The following KIF6 variants were observed in gnomAD, a reference collection of about 807,000 sequenced individuals.
KIF6 encodes the protein kinesin-like protein KIF6.
KIF6 carries 106 observed loss-of-function variants against 112.7 expected under a neutral mutation model. That is an observed-to-expected ratio of 0.94 (90% confidence interval 0.80 to 1.11). The LOEUF is 1.11. KIF6 is among the 50% of genes least tolerant of loss of function. The pLI is 0.00. For synonymous variants in KIF6, 339 were observed against 339.9 expected (o/e 1.00, Z 0.03); for missense variants, 929 against 964.0 (o/e 0.96, Z 0.48).
chr6:39,591,807 G>A (rs148806159), intron 7 of KIF6, among the ~76,000 whole-genome samples: 4 of 152,254 alleles, frequency 2.6e-5, no homozygotes, highest in South Asian at 2.1e-4. Flanking sequence ...AGGAAAATGC[G>A]GTGGTCATAA....
rs71571378 is a variant in KIF6, at chr6:39,528,991, G to A, written c.1645+11012C>T. Reference sequence around the variant, plus strand: ...ACTCATCGACCAATGGAACAGAATAGAGAGCTCAGAAATGAACCACACATG... The same window carrying A: ...ACTCATCGACCAATGGAACAGAATAAAGAGCTCAGAAATGAACCACACATG... On this transcript the variant is annotated intron_variant, in intron 13 of 22. Transcript: ENST00000287152. Among the ~76,000 whole-genome samples, 668 of 152,258 alleles carry A rather than the reference G, an allele frequency of 4.4e-3. 2 individuals are homozygous for A. Among genetic ancestry groups the A allele is most frequent in the South Asian group, 0.017 (80 of 4,820 alleles).
chr6:39,352,316 T>C (rs533725838), intron 19 of KIF6, among the ~76,000 whole-genome samples: 2 of 152,364 alleles, frequency 1.3e-5, no homozygotes, highest in Non-Finnish European at 1.5e-5. Flanking sequence ...GGGTTCACTC[T>C]TTGTGCTGTA....
intron 13 of KIF6, among the ~76,000 whole-genome samples, chr6:39,484,581 C>T (rs1339919913): frequency 6.6e-6 from 1 of 152,036 alleles, no homozygotes. Flanking sequence ...GGCCAATGCC[C>T]CTTAAAGACT....
chr6:39,475,187 C>G (rs1774351002), intron 13 of KIF6, among the ~76,000 whole-genome samples: 1 of 152,158 alleles, frequency 6.6e-6, no homozygotes, highest in Non-Finnish European at 1.5e-5. Context: ...TTCCTTCCTG[C>G]CCACAAAATG....
rs1313862087 is a variant in KIF6, at chr6:39,509,068, G to A, written c.1645+30935C>T. Among the ~76,000 whole-genome samples the A allele has an allele frequency of 2.6e-5, 4 of 152,174 alleles. 1 individual carries two copies. The South Asian group carries it at 8.3e-4, about 31-fold the overall frequency. On this transcript the variant is annotated intron_variant, in intron 13 of 22. Transcript: ENST00000287152. ...CAATATTTGCTGTTCTGTAGCCTCC[G>A]CTGATGATACCCAGGCAAGCAGGGT...
At chr6:39,716,282 TAAAAATATCTATA>T in intron 2 of KIF6, among the ~76,000 whole-genome samples, 1 of 10,218 alleles carries the variant, frequency 9.8e-5, no homozygotes. Flanking sequence ...AGATTTAAAT[TAAAAATATCTATA>T]AAGGATATTG....
intron 13 of KIF6, among the ~76,000 whole-genome samples, chr6:39,471,852 C>T (rs1774132889): frequency 6.6e-6 from 1 of 152,118 alleles, no homozygotes; most frequent in Admixed American, 6.5e-5. Flanking sequence ...ATCAAGGAAA[C>T]CATCTGGAAT....
rs145670634 is a variant in KIF6, at chr6:39,597,844, A to G, written c.640-1584T>C. ...TAAAGCACTAGAAGATATTTGCAAT[A>G]CATATGGCTGACAAAACATTAATAA... On this transcript the variant is annotated intron_variant, in intron 6 of 22. Coordinates refer to ENST00000287152, the MANE Select transcript of KIF6 (RefSeq NM_145027.6). Among the ~76,000 whole-genome samples the G allele has an allele frequency of 1.7e-3, 256 of 152,294 alleles. 1 individual carries two copies. Among genetic ancestry groups the G allele is most frequent in the African/African-American group, 5.9e-3 (246 of 41,570 alleles).
intron 15 of KIF6, among the ~76,000 whole-genome samples, chr6:39,414,134 AT>A (rs538575601): frequency 6.6e-6 from 1 of 151,256 alleles, no homozygotes; most frequent in South Asian, 2.1e-4. Flanking sequence ...AGAATATAAT[AT>A]TTTTTTTTAC....
chr6:39,355,304 C>T (rs548175587), intron 19 of KIF6, among the ~76,000 whole-genome samples: 25 of 151,390 alleles, frequency 1.7e-4, no homozygotes, highest in African/African-American at 6.1e-4. Context: ...CATTTTTTTT[C>T]TTTAAGTATA....
intron 7 of KIF6, among the ~76,000 whole-genome samples, chr6:39,595,262 C>T (rs371121033): frequency 1.3e-5 from 2 of 152,192 alleles, no homozygotes; most frequent in Non-Finnish European, 2.9e-5. Context: ...CCTCTATTTA[C>T]ACCAACTACT....
intron 20 of KIF6, among the ~76,000 whole-genome samples, chr6:39,346,122 C>CCA: frequency 6.7e-5 from 1 of 14,912 alleles, no homozygotes; most frequent in East Asian, 4.2e-3. Flanking sequence ...TCTCCCTCTC[C>CCA]CTCCCTCTCC....
intron 6 of KIF6, among the ~76,000 whole-genome samples, chr6:39,598,145 C>T (rs555213113): frequency 7.0e-4 from 106 of 152,206 alleles, no homozygotes; most frequent in African/African-American, 2.5e-3. Flanking sequence ...CAAGATAATG[C>T]CACTGCATTC....
At chr6:39,426,422 G>T (rs78094518) in intron 14 of KIF6, among the ~76,000 whole-genome samples, 1 of 152,096 alleles carries the variant, frequency 6.6e-6, no homozygotes, top group African/African-American at 2.4e-5. Flanking sequence ...AGCAGCAAAG[G>T]GTGCAGGAAA....
chr6:39,432,546 A>G (rs1771235513), intron 13 of KIF6, among the ~76,000 whole-genome samples: 2 of 152,182 alleles, frequency 1.3e-5, no homozygotes, highest in South Asian at 4.1e-4. Flanking sequence ...CTAAATGGTG[A>G]GGCACAAAAA....
At chr6:39,549,404 C>T (rs1184670778) in intron 10 of KIF6, among the ~76,000 whole-genome samples, 1 of 152,142 alleles carries the variant, frequency 6.6e-6, no homozygotes, top group African/African-American at 2.4e-5. Context: ...TTTACAACAA[C>T]CCATGAGAAA....
intron 15 of KIF6, among the ~76,000 whole-genome samples, chr6:39,417,600 C>T (rs577711869): frequency 6.6e-6 from 1 of 152,250 alleles, no homozygotes; most frequent in Non-Finnish European, 1.5e-5. Flanking sequence ...GCCCTTGGCT[C>T]TTGGGCAGGA....
intron 18 of KIF6, 30 bp downstream of exon 18, chr6:39,360,365 C>T: frequency 1.2e-6 from 2 of 1,612,816 alleles, no homozygotes; most frequent in Non-Finnish European, 1.7e-6. Flanking sequence ...TGGCCCCTCC[C>T]CAGCTTCCCT....
intron 10 of KIF6, among the ~76,000 whole-genome samples, chr6:39,556,139 C>T (rs546769888): frequency 4.7e-4 from 72 of 152,234 alleles, no homozygotes; most frequent in Admixed American, 3.4e-3. Context: ...TCCATAGATA[C>T]TAATAACTCC....
Sources: allele counts gnomAD v4.1 joint callset (sites outside exome capture counted in the v4.1 genomes callset), GRCh38; gene constraint gnomAD v4.1.1; transcripts MANE v1.5; gene names NCBI Gene and HGNC (gene_info 2026-07-23, HGNC 2026-07-21).